CORO2B: variants seen among roughly 807,000 people sequenced by gnomAD.
CORO2B encodes coronin 2B.
CORO2B carries 26 observed loss-of-function variants against 58.8 expected under a neutral mutation model. That is an observed-to-expected ratio of 0.44 (90% CI 0.32 to 0.61). The LOEUF (loss-of-function observed/expected upper bound fraction) is 0.61, where lower values mean the gene tolerates loss of function less well. Among genes scored for constraint, CORO2B ranks in the 20% least tolerant of loss-of-function variants. The probability of loss-of-function intolerance (pLI) is 0.04; values close to 1 mark genes in which losing one functional copy is unlikely to be tolerated. For synonymous variants in CORO2B, 242 were observed against 253.8 expected (o/e 0.95, Z 0.44); for missense variants, 460 against 645.1 (o/e 0.71, Z 3.11).
At chr15:68,543,541 C>T in the CORO2B span, among the ~76,000 whole-genome samples, 2 of 152,170 alleles carry the variant, frequency 1.3e-5, no homozygotes, top group Admixed American at 6.5e-5. Context: ...CCTTCCTCCT[C>T]CCACCCCAGG....
At chr15:68,673,074 T>C (rs978426919) in intron 2 of CORO2B, among the ~76,000 whole-genome samples, 1 of 151,876 alleles carries the variant, frequency 6.6e-6, no homozygotes, top group Non-Finnish European at 1.5e-5. Context: ...GGGTGGTGAA[T>C]GGGGGCCACT....
At chr15:68,601,373 A>G (rs1330291984) in intron 1 of CORO2B, among the ~76,000 whole-genome samples, 1 of 152,220 alleles carries the variant, frequency 6.6e-6, no homozygotes, top group African/African-American at 2.4e-5. Flanking sequence ...TTCAGCCAGC[A>G]TCCTCTGAGC....
chr15:68,563,763 C>T, the CORO2B span, among the ~76,000 whole-genome samples: 1 of 151,834 alleles, frequency 6.6e-6, no homozygotes, highest in Non-Finnish European at 1.5e-5. Flanking sequence ...CAATTGTATG[C>T]CAAAAAACTA....
intron 2 of CORO2B, among the ~76,000 whole-genome samples, chr15:68,665,524 T>C (rs1902163831): frequency 6.6e-6 from 1 of 150,518 alleles, no homozygotes; most frequent in Non-Finnish European, 1.5e-5. Flanking sequence ...ATTGATATTT[T>C]ATTGGGATTA....
intron 1 of CORO2B, among the ~76,000 whole-genome samples, chr15:68,628,813 C>T (rs977996713): frequency 5.9e-5 from 9 of 152,228 alleles, no homozygotes; most frequent in African/African-American, 1.7e-4. Flanking sequence ...CCTCTCCATT[C>T]ATTCCCTGAG....
chr15:68,605,724 T>G (rs928441627), intron 1 of CORO2B, among the ~76,000 whole-genome samples: 33 of 138,056 alleles, frequency 2.4e-4, no homozygotes, highest in African/African-American at 8.2e-5. Context: ...TTTTTTTTTT[T>G]TTTTTTTTTT....
intron 2 of CORO2B, among the ~76,000 whole-genome samples, chr15:68,663,261 C>T (rs963035799): frequency 1.3e-5 from 2 of 152,112 alleles, no homozygotes; most frequent in African/African-American, 4.8e-5. Flanking sequence ...CACAGTATTC[C>T]ATTGTTTGGA....
chr15:68,570,800 T>TTTTTC, the CORO2B span, among the ~76,000 whole-genome samples: 7 of 12,440 alleles, frequency 5.6e-4, no homozygotes, highest in Non-Finnish European at 1.1e-3. Flanking sequence ...CTACACGTAG[T>TTTTTC]TTTTTTTTTT....
chr15:68,658,370 C>T (rs1901894855), intron 2 of CORO2B, among the ~76,000 whole-genome samples: 1 of 152,266 alleles, frequency 6.6e-6, no homozygotes, highest in African/African-American at 2.4e-5. Flanking sequence ...GGGGCCTCGT[C>T]CCCGCCTGCC....
In CORO2B at chr15:68,671,958, G is replaced by T. The variant is rs58509645; in HGVS notation, c.217-23182G>T. On this transcript the variant is annotated intron_variant, in intron 2 of 11. Transcript: ENST00000261861. ...TTAACAGGGAAAGGTGTGTTCTAAG[G>T]GGCAGTCAGGGGCTATCCATAAGCT... Among the ~76,000 whole-genome samples, 1,238 of 152,228 alleles carry T rather than the reference G, an allele frequency of 8.1e-3. 17 individuals carry two copies. The highest frequency in any genetic ancestry group is 0.029 in the African/African-American group (1,191 of 41,524).
At chr15:68,585,724 G>A (rs898842397) in intron 1 of CORO2B, among the ~76,000 whole-genome samples, 14 of 152,210 alleles carry the variant, frequency 9.2e-5, no homozygotes, top group Admixed American at 2.6e-4. Flanking sequence ...ACAAATGCTG[G>A]TTGCCTTGAG....
chr15:68,683,273 C>T (rs1902849450), intron 2 of CORO2B, among the ~76,000 whole-genome samples: 1 of 152,122 alleles, frequency 6.6e-6, no homozygotes, highest in Non-Finnish European at 1.5e-5. Flanking sequence ...GGACGAAGGC[C>T]TGTTTGGGGT....
At chr15:68,683,266 C>T (rs1319653716) in intron 2 of CORO2B, among the ~76,000 whole-genome samples, 2 of 152,090 alleles carry the variant, frequency 1.3e-5, no homozygotes, top group African/African-American at 2.4e-5. Context: ...GCCTGAAGGA[C>T]GAAGGCCTGT....
At chr15:68,597,875 G>A (rs747257885) in intron 1 of CORO2B, among the ~76,000 whole-genome samples, 19 of 152,176 alleles carry the variant, frequency 1.2e-4, no homozygotes, top group African/African-American at 1.9e-4. Context: ...TGGTCCAGGC[G>A]AGAGGCCTGA....
chr15:68,710,964 C>T lies in CORO2B; in HGVS notation c.483+83C>T. 7.0e-7 allele frequency: 1 copy of T among 1,419,212 alleles called. No individual in the cohort carries two copies. The highest frequency in any genetic ancestry group is 9.4e-7 in the Non-Finnish European group (1 of 1,064,932). The allele number at this position is 1,419,212 out of a possible 1,614,324, so 87.9% of individuals were successfully genotyped here. A position where few individuals can be genotyped will look rare whatever the true frequency, so the allele number is the denominator to read the frequency against. The stretch of plus-strand genomic sequence containing the variant: ...TGGGTACCCGTAGGAAGCACTGTTG[C>T]TTCCTAAGCAACCAATATGGCCTCA... On this transcript the variant is annotated intron_variant, in intron 4 of 11. Transcript: ENST00000261861. This position sits in a 1 kb window ranked among gnomAD's most constrained non-coding sequence, Gnocchi z 4.1.
chr15:68,574,169 G>T (rs4777070), upstream of CORO2B, among the ~76,000 whole-genome samples: 73,102 of 151,996 alleles, frequency 0.48, 18,387 homozygotes, highest in East Asian at 0.76. Flanking sequence ...AAGTCCGAGT[G>T]GCCCAGCAAG....
rs1470405762 is a variant in CORO2B at position 68,725,838 on chromosome 15, C to T, written c.1312-5C>T. On this transcript the variant is annotated splice_polypyrimidine_tract_variant and splice_region_variant and intron_variant, in intron 11 of 11. Coordinates refer to ENST00000261861, the MANE Select transcript of CORO2B (RefSeq NM_006091.5). ...TCCTTGGCCCCCTCTCTTCCTCCAC[C>T]CCAGCTCCTTCGAATGTTCTTCCGG... 6.2e-7 allele frequency: 1 copy of T among 1,613,594 alleles called. No homozygotes were observed. The highest frequency in any genetic ancestry group is 1.1e-5 in the South Asian group (1 of 91,086).
chr15:68,721,342 G>A (rs1002304728), intron 11 of CORO2B, among the ~76,000 whole-genome samples: 1 of 152,162 alleles, frequency 6.6e-6, no homozygotes, highest in African/African-American at 2.4e-5. Context: ...GTGATAAATG[G>A]GATTTGCTTT....
chr15:68,552,784 G>A, the CORO2B span, among the ~76,000 whole-genome samples: 2 of 152,124 alleles, frequency 1.3e-5, no homozygotes, highest in African/African-American at 4.8e-5. Flanking sequence ...CGTTGATCCT[G>A]CCACCAGACC....
Sources: allele counts gnomAD v4.1 joint callset (sites outside exome capture counted in the v4.1 genomes callset), GRCh38; gene constraint gnomAD v4.1.1; non-coding constraint Gnocchi (gnomAD v3.1); transcripts MANE v1.5; gene names NCBI Gene and HGNC (gene_info 2026-07-23, HGNC 2026-07-21).